Variants in FRMPD1 observed in about 807,000 individuals in gnomAD.
The protein encoded by FRMPD1 is FERM and PDZ domain-containing protein 1.
A neutral mutation model predicts 117.8 loss-of-function variants in FRMPD1; 76 were observed. That is an observed-to-expected ratio of 0.65 (90% CI 0.54 to 0.78). The LOEUF (loss-of-function observed/expected upper bound fraction) is 0.78, where lower values mean the gene tolerates loss of function less well. FRMPD1 is among the 30% of genes least tolerant of loss of function. The pLI, the probability that FRMPD1 is intolerant of heterozygous loss-of-function variation, is 0.00. For synonymous variants in FRMPD1, 783 were observed against 770.4 expected (o/e 1.02, Z -0.27); for missense variants, 1,786 against 1,964.5 (o/e 0.91, Z 1.72).
chr9:37,625,240 TC>T, the FRMPD1 span, among the ~76,000 whole-genome samples: 1 of 152,158 alleles, frequency 6.6e-6, no homozygotes, highest in Non-Finnish European at 1.5e-5. Flanking sequence ...AATAGCTAAA[TC>T]CCATGTGTGA....
At chr9:37,676,123 A>C (rs1024382072) in intron 1 of FRMPD1, among the ~76,000 whole-genome samples, 1 of 152,246 alleles carries the variant, frequency 6.6e-6, no homozygotes, top group Non-Finnish European at 1.5e-5. Flanking sequence ...AGTTGTACCC[A>C]GAGCATAGAT....
chr9:37,625,869 C>A, the FRMPD1 span, among the ~76,000 whole-genome samples: 1 of 152,226 alleles, frequency 6.6e-6, no homozygotes, highest in Non-Finnish European at 1.5e-5. Context: ...CTGTCTGCAG[C>A]GCCTCACAAG....
At chr9:37,684,575 A>C (rs1384515846) in intron 1 of FRMPD1, among the ~76,000 whole-genome samples, 1 of 152,154 alleles carries the variant, frequency 6.6e-6, no homozygotes, top group Non-Finnish European at 1.5e-5. Context: ...GATGAAGAGT[A>C]AGGAGACTGG....
the FRMPD1 span, among the ~76,000 whole-genome samples, chr9:37,618,124 G>A: frequency 2.6e-5 from 4 of 152,218 alleles, no homozygotes; most frequent in Admixed American, 6.5e-5. Context: ...CCACTGCTCT[G>A]AGGTGCCACA....
chr9:37,692,715 T>C lies in FRMPD1; in HGVS notation c.74T>C (p.Leu25Pro). 1 of 1,613,948 alleles carries C rather than the reference T, an allele frequency of 6.2e-7. No homozygotes were observed. The highest frequency in any genetic ancestry group is 8.5e-7 in the Non-Finnish European group (1 of 1,179,822). ...ATAGAACAAATGGTGGCAAGATGGC[T>C]TCGGCGCTCCCGGGACAGCTCGGCC... ...HRIEQMVARW[L>P]RRSRDSSARA... The change falls in exon 2 of 16, where the codon CTT becomes CCT. Residue 25 changes from leucine (L) to proline (P), a missense_variant. By Grantham distance (98) the Leu-to-Pro change is moderately conservative. Coordinates refer to ENST00000377765, the MANE Select transcript of FRMPD1 (RefSeq NM_014907.3).
At chr9:37,626,635 A>AAAAAAAAAAAAAAAAAAAAAAG in the FRMPD1 span, among the ~76,000 whole-genome samples, 1 of 143,108 alleles carries the variant, frequency 7.0e-6, no homozygotes. Flanking sequence ...AAAAAAAAAA[A>AAAAAAAAAAAAAAAAAAAAAAG]AAAAAAAGCT....
At chr9:37,623,455 G>A in the FRMPD1 span, among the ~76,000 whole-genome samples, 3 of 152,178 alleles carry the variant, frequency 2.0e-5, no homozygotes, top group Non-Finnish European at 2.9e-5. Context: ...CAGCCTTTTC[G>A]CTGAACCTTG....
At chr9:37,663,523 T>G (rs1400329369) in intron 1 of FRMPD1, among the ~76,000 whole-genome samples, 1 of 152,222 alleles carries the variant, frequency 6.6e-6, no homozygotes, top group Non-Finnish European at 1.5e-5. Flanking sequence ...GGCCTCTGGA[T>G]TTTTGTTCAT....
At chr9:37,636,787 G>T in the FRMPD1 span, 2 of 1,608,988 alleles carry the variant, frequency 1.2e-6, no homozygotes, top group Middle Eastern at 1.7e-4. Context: ...TCTGCTTTTT[G>T]ATCTCAGCAG....
At chr9:37,737,823 TAAAA>T (rs35965958) in intron 14 of FRMPD1, among the ~76,000 whole-genome samples, 1 of 106,296 alleles carries the variant, frequency 9.4e-6, no homozygotes. Context: ...AACTCCATCT[TAAAA>T]AAAAAAAAAA....
chr9:37,735,469 A>G (rs1278117748), intron 12 of FRMPD1, 83 bp from the exon 13 acceptor site: 2 of 1,003,872 alleles, frequency 2.0e-6, no homozygotes, highest in Non-Finnish European at 3.1e-6. Flanking sequence ...AGGAGTTTGC[A>G]GCGAGAGGTA....
rs1824589030 is a variant in FRMPD1 at position 37,744,582 on chromosome 9, C to G, written c.2550C>G (p.Val850=). Residue 850 remains valine (V), a synonymous_variant, in exon 16 of 16, where the codon GTC becomes GTG. Coordinates refer to ENST00000377765, the MANE Select transcript of FRMPD1 (RefSeq NM_014907.3). ...TACAGACCGACTACACCTCTCAGGT[C>G]TCATTTCCCCTGGTGCCATCAGCCT... The part of the protein sequence containing the change: ...SFLQTDYTSQ[V]SFPLVPSASL... The G allele has an allele frequency of 6.2e-7, 1 of 1,614,020 alleles. No individual in the cohort carries two copies. Among genetic ancestry groups the G allele is most frequent in the African/African-American group, 1.3e-5 (1 of 74,920 alleles).
At chr9:37,625,918 A>G in the FRMPD1 span, among the ~76,000 whole-genome samples, 1 of 152,242 alleles carries the variant, frequency 6.6e-6, no homozygotes, top group Non-Finnish European at 1.5e-5. Flanking sequence ...ATTACCAGGA[A>G]GCTTGTTAAA....
At chr9:37,684,432 A>G (rs967852561) in intron 1 of FRMPD1, among the ~76,000 whole-genome samples, 81 of 152,324 alleles carry the variant, frequency 5.3e-4, no homozygotes, top group African/African-American at 1.8e-3. Context: ...TGTGTTACTG[A>G]TATTACTATA....
the FRMPD1 span, among the ~76,000 whole-genome samples, chr9:37,604,486 T>C: frequency 6.6e-6 from 1 of 152,224 alleles, no homozygotes; most frequent in Non-Finnish European, 1.5e-5. Context: ...CTGAAAGAAC[T>C]GGAAATATGT....
chr9:37,614,053 AG>A, the FRMPD1 span, among the ~76,000 whole-genome samples: 1 of 152,222 alleles, frequency 6.6e-6, no homozygotes, highest in African/African-American at 2.4e-5. Flanking sequence ...GCCAGCAGAG[AG>A]GGGACTTTAT....
chr9:37,713,537 C>T (rs1456329443), intron 5 of FRMPD1, among the ~76,000 whole-genome samples: 1 of 151,878 alleles, frequency 6.6e-6, no homozygotes, highest in African/African-American at 2.4e-5. Flanking sequence ...CTGCAGTGAG[C>T]TGAGATCGCA....
intron 5 of FRMPD1, among the ~76,000 whole-genome samples, chr9:37,712,313 C>T (rs1020064456): frequency 6.6e-6 from 1 of 152,148 alleles, no homozygotes; most frequent in Non-Finnish European, 1.5e-5. Flanking sequence ...GAAAAACTAT[C>T]ATTATAGACT....
the FRMPD1 span, among the ~76,000 whole-genome samples, chr9:37,611,076 T>C: frequency 6.6e-6 from 1 of 152,236 alleles, no homozygotes; most frequent in African/African-American, 2.4e-5. Flanking sequence ...AAAATACGTT[T>C]GTAGGATAAC....
Sources: gnomAD v4.1 joint callset for allele counts (sites outside exome capture counted in the v4.1 genomes callset) on GRCh38, gnomAD v4.1.1 for gene constraint, MANE v1.5 for transcripts, NCBI Gene and HGNC (gene_info 2026-07-23, HGNC 2026-07-21) for gene names.